CSMD3: variants seen among roughly 807,000 people sequenced by gnomAD.
CSMD3 encodes the protein CUB and sushi domain-containing protein 3.
CSMD3 carries 177 observed loss-of-function variants against 435.2 expected under a neutral mutation model. That is an observed-to-expected ratio of 0.41 (90% CI 0.36 to 0.46). CSMD3 has a LOEUF of 0.46. Among genes scored for constraint, CSMD3 ranks in the 20% least tolerant of loss-of-function variants. The probability of loss-of-function intolerance (pLI) is 0.34; values close to 1 mark genes in which losing one functional copy is unlikely to be tolerated. For synonymous variants in CSMD3, 1,656 were observed against 1,520.5 expected (o/e 1.09, Z -2.07); for missense variants, 4,265 against 4,504.6 (o/e 0.95, Z 1.52).
At chr8:112,847,387 A>T (rs1026775318) in intron 11 of CSMD3, among the ~76,000 whole-genome samples, 21 of 152,120 alleles carry the variant, frequency 1.4e-4, no homozygotes, top group Non-Finnish European at 2.8e-4. Flanking sequence ...GTGCAGAAGT[A>T]TGAGAGCACA....
chr8:113,360,615 C>T lies in CSMD3; in HGVS notation c.179-45822G>A, dbSNP rs557685791. Among the ~76,000 whole-genome samples the T allele has an allele frequency of 5.0e-5, 7 of 140,504 alleles. No homozygotes were observed. In the East Asian group the frequency reaches 1.5e-3, roughly 30 times the overall value. The allele number at this position is 140,504 out of a possible 152,430, so 92.2% of individuals were successfully genotyped here. On this transcript the variant is annotated intron_variant, in intron 1 of 70. Transcript: ENST00000297405. ...TTGAGACGGAGTCTCGCTCTGTCGC[C>T]CAGGCTGGAGTGCAGTGGCGAGATC...
intron 39 of CSMD3, 124 bp from the exon 40 acceptor site, chr8:112,351,368 A>C (rs930431854): frequency 4.0e-5 from 26 of 646,186 alleles, no homozygotes; most frequent in Middle Eastern, 4.1e-4. Context: ...ACACATATTT[A>C]CTTATATGAA....
intron 3 of CSMD3, among the ~76,000 whole-genome samples, chr8:113,237,912 T>C (rs936766002): frequency 6.6e-6 from 1 of 151,954 alleles, no homozygotes; most frequent in Admixed American, 6.6e-5. Context: ...CCGCCTCTAC[T>C]AAAAGTACAA....
intron 6 of CSMD3, among the ~76,000 whole-genome samples, chr8:112,994,276 T>G (rs2085562310): frequency 6.6e-6 from 1 of 151,736 alleles, no homozygotes; most frequent in Non-Finnish European, 1.5e-5. Flanking sequence ...TTCTGTATTT[T>G]CATCAGACCT....
intron 59 of CSMD3, among the ~76,000 whole-genome samples, chr8:112,273,609 C>T (rs183172690): frequency 8.4e-4 from 128 of 151,814 alleles, no homozygotes; most frequent in Admixed American, 8.2e-3. Context: ...GCCTGTAGTC[C>T]CAGCTACTTG....
At chr8:113,322,976 C>G (rs567171936) in intron 1 of CSMD3, among the ~76,000 whole-genome samples, 2 of 152,078 alleles carry the variant, frequency 1.3e-5, no homozygotes, top group Non-Finnish European at 2.9e-5. Context: ...AAACTCCTGA[C>G]CTCAAGTGTT....
At chr8:112,533,106 A>T (rs922311033) in intron 27 of CSMD3, among the ~76,000 whole-genome samples, 7 of 152,120 alleles carry the variant, frequency 4.6e-5, no homozygotes, top group Non-Finnish European at 8.8e-5. Context: ...CACAAAACAT[A>T]GACTTATAAT....
chr8:112,455,433 A>G (rs906294639), intron 32 of CSMD3, among the ~76,000 whole-genome samples: 4 of 151,876 alleles, frequency 2.6e-5, no homozygotes, highest in Admixed American at 6.6e-5. Flanking sequence ...AAGAGAAGCC[A>G]GAGCTGAAAA....
At chr8:113,244,173 T>C (rs191784729) in intron 3 of CSMD3, among the ~76,000 whole-genome samples, 18 of 152,306 alleles carry the variant, frequency 1.2e-4, no homozygotes, top group Admixed American at 1.2e-3. Flanking sequence ...AAATTCAAAT[T>C]TCAACTTTTA....
intron 1 of CSMD3, among the ~76,000 whole-genome samples, chr8:113,317,634 G>A (rs116897834): frequency 0.03 from 4,511 of 152,056 alleles, 88 homozygotes; most frequent in Admixed American, 0.04. Context: ...TTCCAGAAAG[G>A]AGTTTTAAAT....
intron 10 of CSMD3, among the ~76,000 whole-genome samples, chr8:112,876,960 A>C (rs1305131921): frequency 6.6e-6 from 1 of 152,184 alleles, no homozygotes; most frequent in Non-Finnish European, 1.5e-5. Flanking sequence ...CCTATATACC[A>C]ACAATAGACA....
chr8:112,848,445 T>G (rs2129679559), intron 11 of CSMD3, among the ~76,000 whole-genome samples: 1 of 152,254 alleles, frequency 6.6e-6, no homozygotes, highest in Middle Eastern at 3.4e-3. Context: ...CAATAAATGT[T>G]AACTGGTCAC....
chr8:112,368,656 T>C (rs1195757836), intron 38 of CSMD3, among the ~76,000 whole-genome samples: 1 of 152,148 alleles, frequency 6.6e-6, no homozygotes, highest in African/African-American at 2.4e-5. Context: ...AATGGGTTTG[T>C]TCTCAGATTT....
intron 4 of CSMD3, among the ~76,000 whole-genome samples, chr8:113,117,677 A>C (rs1019037004): frequency 1.3e-5 from 2 of 152,226 alleles, no homozygotes; most frequent in African/African-American, 4.8e-5. Flanking sequence ...AAAGGCAGCC[A>C]GGAGAGGTGT....
intron 13 of CSMD3, among the ~76,000 whole-genome samples, chr8:112,781,761 G>A (rs192264685): frequency 6.6e-6 from 1 of 152,256 alleles, no homozygotes; most frequent in Non-Finnish European, 1.5e-5. Context: ...AGGAAAGTAA[G>A]TGAAGAGAAC....
At chr8:113,180,573 G>A (rs996387489) in intron 3 of CSMD3, among the ~76,000 whole-genome samples, 2 of 151,854 alleles carry the variant, frequency 1.3e-5, no homozygotes, top group East Asian at 1.9e-4. Flanking sequence ...ACACTGTGTT[G>A]TCCCCAAGCA....
At chr8:112,569,798 T>A (rs1462017925) in intron 24 of CSMD3, among the ~76,000 whole-genome samples, 1 of 152,152 alleles carries the variant, frequency 6.6e-6, no homozygotes, top group Non-Finnish European at 1.5e-5. Flanking sequence ...AATCTCTGTG[T>A]CTTTCCTCAT....
intron 5 of CSMD3, among the ~76,000 whole-genome samples, chr8:113,097,671 C>T (rs1345771117): frequency 6.6e-6 from 1 of 151,972 alleles, no homozygotes; most frequent in Non-Finnish European, 1.5e-5. Flanking sequence ...TAGTAGATGG[C>T]TTTAATTGCA....
chr8:112,829,965 T>C (rs991285918), intron 11 of CSMD3, among the ~76,000 whole-genome samples, 176 bp from the exon 12 acceptor site: 11 of 151,688 alleles, frequency 7.3e-5, no homozygotes, highest in African/African-American at 2.4e-4. Flanking sequence ...TATAATTTCA[T>C]AGTATGGCAG....
Sources: gnomAD v4.1 joint callset for allele counts (sites outside exome capture counted in the v4.1 genomes callset) on GRCh38, gnomAD v4.1.1 for gene constraint, MANE v1.5 for transcripts, NCBI Gene and HGNC (gene_info 2026-07-23, HGNC 2026-07-21) for gene names.